Variants in COL28A1 observed in about 807,000 individuals in gnomAD.
The protein encoded by COL28A1 is collagen type XXVIII alpha 1 chain.
In COL28A1, 161 loss-of-function variants were observed where a neutral mutation model predicts 150.2. The ratio of observed to expected loss-of-function variants is 1.07; its 90% CI spans 0.94 to 1.22. The LOEUF (loss-of-function observed/expected upper bound fraction) is 1.22, where lower values mean the gene tolerates loss of function less well. COL28A1 is among the 50% of genes most tolerant of loss of function. The probability of loss-of-function intolerance (pLI) is 0.00; values close to 1 mark genes in which losing one functional copy is unlikely to be tolerated. For missense variants in COL28A1, 1,617 were observed against 1,388.3 expected, an observed-to-expected ratio of 1.16 and a Z score of -2.62; for synonymous variants, 552 against 469.7, an observed-to-expected ratio of 1.18 and a Z score of -2.26.
At chr7:7,404,613 C>A (rs1256268516) in intron 27 of COL28A1, among the ~76,000 whole-genome samples, 5 of 152,112 alleles carry the variant, frequency 3.3e-5, no homozygotes, top group Admixed American at 2.6e-4. Context: ...TCCCTCACCT[C>A]CTCCGGTCTC....
chr7:7,392,916 A>G (rs1011034595), intron 27 of COL28A1, among the ~76,000 whole-genome samples: 14 of 152,142 alleles, frequency 9.2e-5, no homozygotes, highest in Admixed American at 6.5e-5. Context: ...GCATTGGGTT[A>G]CAACATGCTC....
intron 18 of COL28A1, among the ~76,000 whole-genome samples, chr7:7,451,924 G>T (rs1228996207): frequency 6.6e-6 from 1 of 152,100 alleles, no homozygotes; most frequent in Non-Finnish European, 1.5e-5. Flanking sequence ...TGGTGAAGTT[G>T]AGCGCTCAAC....
At chr7:7,374,034 A>ATATAT (rs1230327194) in intron 31 of COL28A1, among the ~76,000 whole-genome samples, 17 of 76,588 alleles carry the variant, frequency 2.2e-4, no homozygotes, top group South Asian at 7.0e-4. Flanking sequence ...TAAAAAAAAA[A>ATATAT]AAAAATATAT....
chr7:7,457,265 T>C (rs1787243619), intron 15 of COL28A1, among the ~76,000 whole-genome samples: 1 of 152,136 alleles, frequency 6.6e-6, no homozygotes, highest in Non-Finnish European at 1.5e-5. Flanking sequence ...GAGAACAGAC[T>C]GAAGGGGGTC....
intron 31 of COL28A1, among the ~76,000 whole-genome samples, chr7:7,374,024 T>TAAAAAAAAAAA (rs1188442971): frequency 3.3e-4 from 38 of 116,316 alleles, no homozygotes; most frequent in African/African-American, 1.6e-3. Flanking sequence ...ACTTGACTCT[T>TAAAAAAAAAAA]AAAAAAAAAA....
chr7:7,490,734 A>G (rs1231451101), intron 11 of COL28A1, 88 bp from the exon 12 acceptor site: 3 of 640,066 alleles, frequency 4.7e-6, no homozygotes, highest in Non-Finnish European at 5.5e-6. Context: ...GTTTTGCAAT[A>G]GGGGCTTTCA....
At chr7:7,444,611 A>C (rs1239967277) in intron 18 of COL28A1, 122 bp from the exon 19 acceptor site, 1 of 896,372 alleles carries the variant, frequency 1.1e-6, no homozygotes, top group African/African-American at 1.7e-5. Context: ...AGCAATTAAT[A>C]CTAAACTATT....
At chr7:7,387,150 C>G (rs1279365205) in intron 27 of COL28A1, among the ~76,000 whole-genome samples, 1 of 152,018 alleles carries the variant, frequency 6.6e-6, no homozygotes, top group African/African-American at 2.4e-5. Flanking sequence ...AATTTTCAGA[C>G]CACATTCTGT....
At chr7:7,479,847 A>T (rs113087372) in intron 13 of COL28A1, among the ~76,000 whole-genome samples, 3 of 152,358 alleles carry the variant, frequency 2.0e-5, no homozygotes, top group African/African-American at 7.2e-5. Flanking sequence ...TAAATCAGGA[A>T]TTTTTAAAGA....
At chr7:7,383,531 G>A (rs1781999905) in intron 27 of COL28A1, among the ~76,000 whole-genome samples, 2 of 151,288 alleles carry the variant, frequency 1.3e-5, no homozygotes, top group South Asian at 2.1e-4. Context: ...CACCTGCCTC[G>A]GCCTCCTAAA....
chr7:7,531,999 T>C (rs1782392847), intron 2 of COL28A1, 95 bp from the exon 3 acceptor site: 1 of 720,118 alleles, frequency 1.4e-6, no homozygotes, highest in African/African-American at 1.8e-5. Flanking sequence ...TGTATATTGT[T>C]TGGTGTTGAG....
chr7:7,481,216 A>C (rs1022612726), intron 13 of COL28A1, among the ~76,000 whole-genome samples: 4 of 152,196 alleles, frequency 2.6e-5, no homozygotes, highest in Non-Finnish European at 5.9e-5. Flanking sequence ...GGAGGTGAAA[A>C]TATTGGATCT....
At chr7:7,389,081 C>T (rs542842696) in intron 27 of COL28A1, among the ~76,000 whole-genome samples, 21 of 152,094 alleles carry the variant, frequency 1.4e-4, no homozygotes, top group Middle Eastern at 3.4e-3. Context: ...ATGCCTATGT[C>T]CTGAATGGTA....
intron 9 of COL28A1, among the ~76,000 whole-genome samples, chr7:7,507,698 T>C (rs1423642087): frequency 6.6e-6 from 1 of 151,606 alleles, no homozygotes; most frequent in Non-Finnish European, 1.5e-5. Flanking sequence ...AGTTTTTATT[T>C]CCCCAGATTT....
At position 7,436,579 on chromosome 7, in the gene COL28A1, T is replaced by C. The variant is rs747204474; in HGVS notation, c.1792-116A>G. ...GAGCTTAATCTGTCCATCTCAGACC[T>C]TGAGATAGTATATTCTTCAAACATA... On this transcript the variant is annotated intron_variant, in intron 22 of 34. Coordinates refer to ENST00000399429, the MANE Select transcript of COL28A1 (RefSeq NM_001037763.3). 1.8e-5 allele frequency: 13 copies of C among 712,614 alleles called. No homozygotes were observed. The Admixed American group carries it at 2.3e-4, about 13-fold the overall frequency. The allele number at this position is 712,614 out of a possible 1,614,324, so 44.1% of individuals were successfully genotyped here.
chr7:7,536,354 G>C (rs1313727744), upstream of COL28A1, among the ~76,000 whole-genome samples: 2 of 152,264 alleles, frequency 1.3e-5, no homozygotes, highest in East Asian at 3.9e-4. Context: ...TACAGGGAAA[G>C]AGTGGTCTGA....
At chr7:7,403,074 T>C (rs905144721) in intron 27 of COL28A1, among the ~76,000 whole-genome samples, 5 of 152,162 alleles carry the variant, frequency 3.3e-5, no homozygotes, top group African/African-American at 4.8e-5. Context: ...TGTGGACTAG[T>C]CAGTGTACCA....
chr7:7,381,632 G>C lies in COL28A1; in HGVS notation c.2137-20C>G. 5.6e-6 allele frequency: 9 copies of C among 1,593,146 alleles called. No homozygotes were observed. Among genetic ancestry groups the C allele is most frequent in the Non-Finnish European group, 7.8e-6 (9 of 1,161,082 alleles). ...TTCCCCCTACATAGGATATGAGAAAGAGATGTTCTATTAATTTCCCAGGAT... is the reference window on the plus strand; with the variant it reads ...TTCCCCCTACATAGGATATGAGAAACAGATGTTCTATTAATTTCCCAGGAT... On this transcript the variant is annotated intron_variant, in intron 27 of 34. Coordinates refer to ENST00000399429, the MANE Select transcript of COL28A1 (RefSeq NM_001037763.3).
At chr7:7,484,489 A>G (rs902412810) in intron 13 of COL28A1, among the ~76,000 whole-genome samples, 5 of 152,176 alleles carry the variant, frequency 3.3e-5, no homozygotes, top group African/African-American at 9.7e-5. Context: ...GTCAACTAAG[A>G]AATGGGTAAA....
Sources: gnomAD v4.1 joint callset for allele counts (sites outside exome capture counted in the v4.1 genomes callset) on GRCh38, gnomAD v4.1.1 for gene constraint, MANE v1.5 for transcripts, NCBI Gene and HGNC (gene_info 2026-07-23, HGNC 2026-07-21) for gene names.